Variants in KCNQ1 observed in about 807,000 individuals in gnomAD.
The protein encoded by KCNQ1 is potassium voltage-gated channel subfamily Q member 1.
In KCNQ1, 49 loss-of-function variants were observed where a neutral mutation model predicts 72.4. That is an observed-to-expected ratio of 0.68 (90% CI 0.54 to 0.86). The LOEUF (loss-of-function observed/expected upper bound fraction) is 0.86. KCNQ1 is among the 40% of genes least tolerant of loss of function. KCNQ1 has a pLI of 0.00. For synonymous variants in KCNQ1, 450 were observed against 412.6 expected (o/e 1.09, Z -1.10); for missense variants, 790 against 945.1 (o/e 0.84, Z 2.15).
At position 2,583,069 on chromosome 11, in the gene KCNQ1, G is replaced by A. The variant is rs997990980; in HGVS notation, c.922-366G>A. Among the ~76,000 whole-genome samples, 4 of 152,174 alleles carry A rather than the reference G, an allele frequency of 2.6e-5. No homozygotes were observed. In the South Asian group the frequency reaches 8.3e-4, roughly 31 times the overall value. On this transcript the variant is annotated intron_variant, in intron 6 of 15. Transcript: ENST00000155840. ...GGGAGCTCCCGGTCTCCTGGGGGCC[G>A]GCGCACAGCAACGTCGGTGGCCCAG...
rs1318267509 is a variant in KCNQ1, at chr11:2,484,826, C to T, written c.386+39342C>T. 2.0e-5 allele frequency among the ~76,000 whole-genome samples: 3 copies of T among 152,216 alleles called. No homozygotes were observed. Among genetic ancestry groups the T allele is most frequent in the African/African-American group, 7.2e-5 (3 of 41,456 alleles). On this transcript the variant is annotated intron_variant, in intron 1 of 15. Transcript: ENST00000155840. The surrounding 1 kb of genome is among the most constrained non-coding windows in gnomAD (Gnocchi z 5.2). The stretch of plus-strand genomic sequence containing the variant: ...GTGTTCATCTGCAGATATATTCATA[C>T]ATGAGTGGGCTCATACTGTCTCCAA...
At chr11:2,731,670 C>G (rs150180006) in intron 11 of KCNQ1, among the ~76,000 whole-genome samples, 2 of 152,232 alleles carry the variant, frequency 1.3e-5, no homozygotes, top group African/African-American at 2.4e-5. Flanking sequence ...CCCCCAGCAG[C>G]GCACACAGGA....
chr11:2,522,327 A>C (rs1233920038), intron 1 of KCNQ1, among the ~76,000 whole-genome samples: 1 of 151,570 alleles, frequency 6.6e-6, no homozygotes, highest in Non-Finnish European at 1.5e-5. Flanking sequence ...CCTGCTTCCC[A>C]CTCCGAGTCC....
intron 1 of KCNQ1, among the ~76,000 whole-genome samples, chr11:2,472,057 C>T (rs763077898): frequency 1.4e-5 from 2 of 139,842 alleles, no homozygotes; most frequent in African/African-American, 2.7e-5. Context: ...TATGTGTGCA[C>T]ATGTGTGTAG....
At chr11:2,521,507 G>C (rs1158521207) in intron 1 of KCNQ1, 2 of 470,544 alleles carry the variant, frequency 4.3e-6, no homozygotes, top group Non-Finnish European at 4.4e-6. Flanking sequence ...ACGGTCACGA[G>C]AGTGCAAAGT....
At chr11:2,662,750 GGCT>G in intron 11 of KCNQ1, 1 of 399,536 alleles carries the variant, frequency 2.5e-6, no homozygotes, top group Non-Finnish European at 4.4e-6. Flanking sequence ...GTCCCATTCT[GGCT>G]GCTAACCCGT....
rs1052391637 is a variant in KCNQ1 at position 2,698,131 on chromosome 11, G to A, written c.1514+36050G>A. 1 of 398,552 alleles carries A rather than the reference G, an allele frequency of 2.5e-6. No homozygotes were observed. The allele number at this position is 398,552 out of a possible 1,614,324, so 24.7% of individuals were successfully genotyped here. A position where few individuals can be genotyped will look rare whatever the true frequency, so the allele number is the denominator to read the frequency against. On this transcript the variant is annotated intron_variant, in intron 11 of 15. Coordinates refer to ENST00000155840, the MANE Select transcript of KCNQ1 (RefSeq NM_000218.3). The surrounding 1 kb of genome is among the most constrained non-coding windows in gnomAD (Gnocchi z 5.1). ...AGGCTCTTGGCTGGGTACAGAGCAG[G>A]CAGCAGAAAACAAAACAGAGTTCCT...
chr11:2,615,711 C>T (rs1849050258), intron 10 of KCNQ1: 4 of 397,810 alleles, frequency 1.0e-5, no homozygotes, highest in Admixed American at 4.4e-5. Context: ...CTGAACCACC[C>T]TTGTATTCTT....
rs543119914 is a variant in KCNQ1 at position 2,452,224 on chromosome 11, C to G, written c.386+6740C>G. On this transcript the variant is annotated intron_variant, in intron 1 of 15. Coordinates refer to ENST00000155840, the MANE Select transcript of KCNQ1 (RefSeq NM_000218.3). ...GAAAGGGTGCTCTGAGTAGCTCTCCCCGGCTCCTGGCTGAACTTGCTCCAG... is the reference window on the plus strand; with the variant it reads ...GAAAGGGTGCTCTGAGTAGCTCTCCGCGGCTCCTGGCTGAACTTGCTCCAG... 5.3e-5 allele frequency among the ~76,000 whole-genome samples: 8 copies of G among 152,300 alleles called. No individual in the cohort carries two copies. The South Asian group carries it at 1.5e-3, about 28-fold the overall frequency.
chr11:2,743,588 T>C (rs1382949662), intron 11 of KCNQ1, among the ~76,000 whole-genome samples: 3 of 152,216 alleles, frequency 2.0e-5, no homozygotes, highest in Non-Finnish European at 4.4e-5. Context: ...AGTCCCTGCA[T>C]GGCCCTATGG....
At chr11:2,548,002 G>T (rs1414958920) in intron 2 of KCNQ1, among the ~76,000 whole-genome samples, 5 of 152,196 alleles carry the variant, frequency 3.3e-5, no homozygotes, top group Non-Finnish European at 7.3e-5. Flanking sequence ...GGTCAGGGAG[G>T]TGGCAGGACC....
intron 11 of KCNQ1, chr11:2,688,333 C>T (rs1850527685): frequency 5.0e-6 from 2 of 398,668 alleles, no homozygotes; most frequent in East Asian, 3.6e-5. Flanking sequence ...ACACAGCTTC[C>T]ATGGGGGTCT....
intron 10 of KCNQ1, chr11:2,628,326 A>G (rs948036659): frequency 2.5e-5 from 10 of 398,452 alleles, no homozygotes; most frequent in African/African-American, 1.9e-4. Context: ...GATAATAGCG[A>G]TTCTAACAGT....
intron 11 of KCNQ1, chr11:2,680,067 T>G (rs927067131): frequency 2.5e-6 from 1 of 396,246 alleles, no homozygotes; most frequent in Non-Finnish European, 4.4e-6. Context: ...CTAATTTTTT[T>G]TTTTATTAGA....
intron 6 of KCNQ1, among the ~76,000 whole-genome samples, chr11:2,575,127 C>A (rs529550727): frequency 3.9e-5 from 6 of 152,282 alleles, no homozygotes; most frequent in Admixed American, 6.5e-5. Flanking sequence ...CCTTCCCAGC[C>A]GCCCACTGGA....
intron 15 of KCNQ1, among the ~76,000 whole-genome samples, chr11:2,814,370 G>T (rs1350867418): frequency 6.6e-6 from 1 of 150,916 alleles, no homozygotes; most frequent in Non-Finnish European, 1.5e-5. Context: ...TAAAGAGGTG[G>T]ATAGATAAAT....
At chr11:2,540,413 G>A (rs1184482182) in intron 2 of KCNQ1, among the ~76,000 whole-genome samples, 2 of 152,220 alleles carry the variant, frequency 1.3e-5, no homozygotes, top group African/African-American at 4.8e-5. Flanking sequence ...CGAGCACCTC[G>A]GATCCCAGCC....
At position 2,688,665 on chromosome 11, in the gene KCNQ1, C is replaced by T. The variant is rs1340968650; in HGVS notation, c.1514+26584C>T. The T allele has an allele frequency of 1.8e-5, 7 of 398,686 alleles. No individual in the cohort carries two copies. In the Admixed American group the frequency reaches 1.8e-4, roughly 10 times the overall value. 24.7% of individuals were successfully genotyped at this position (398,686 alleles called of 1,614,324 possible). A position where few individuals can be genotyped will look rare whatever the true frequency, so the allele number is the denominator to read the frequency against. On this transcript the variant is annotated intron_variant, in intron 11 of 15. Transcript: ENST00000155840. ...CTCCTAAACATAGGGCTGCCTGCTTCGTTCATTTCCACACACCACGTGCCT... is the reference window on the plus strand; with the variant it reads ...CTCCTAAACATAGGGCTGCCTGCTTTGTTCATTTCCACACACCACGTGCCT...
intron 15 of KCNQ1, among the ~76,000 whole-genome samples, chr11:2,829,913 G>A (rs1342495622): frequency 6.9e-6 from 1 of 145,070 alleles, no homozygotes; most frequent in Non-Finnish European, 1.5e-5. Flanking sequence ...CCAGAGAATA[G>A]GGAATTCTGC....
Sources: gnomAD v4.1 joint callset for allele counts (sites outside exome capture counted in the v4.1 genomes callset) on GRCh38, gnomAD v4.1.1 for gene constraint, Gnocchi (gnomAD v3.1) non-coding constraint, MANE v1.5 for transcripts, NCBI Gene and HGNC (gene_info 2026-07-23, HGNC 2026-07-21) for gene names.